The following PCED1B variants were observed in gnomAD, a reference collection of about 807,000 sequenced individuals.
PCED1B encodes PC-esterase domain-containing protein 1B.
For missense variants in PCED1B, 573 were observed against 573.9 expected (o/e 1.00, Z 0.02); for synonymous variants, 251 against 246.1 (o/e 1.02, Z -0.19).
chr12:47,090,492 A>G (rs1439499038), intron 1 of PCED1B, among the ~76,000 whole-genome samples: 3 of 152,184 alleles, frequency 2.0e-5, no homozygotes, highest in Non-Finnish European at 4.4e-5. Flanking sequence ...GGCAAGAATC[A>G]TGTACCATGC....
intron 3 of PCED1B, among the ~76,000 whole-genome samples, chr12:47,225,724 T>C (rs943941533): frequency 2.0e-5 from 3 of 152,184 alleles, no homozygotes; most frequent in African/African-American, 7.2e-5. Flanking sequence ...AATATTGTAT[T>C]AAGATAGTCA....
chr12:47,216,974 T>C (rs1214174261), intron 3 of PCED1B, among the ~76,000 whole-genome samples: 2 of 152,206 alleles, frequency 1.3e-5, no homozygotes, highest in African/African-American at 4.8e-5. Context: ...TTGTCTGCAA[T>C]CTTGTATGTT....
At chr12:47,105,070 T>C (rs1162322820) in intron 2 of PCED1B, among the ~76,000 whole-genome samples, 1 of 152,180 alleles carries the variant, frequency 6.6e-6, no homozygotes, top group Non-Finnish European at 1.5e-5. Context: ...TTGGGAAATA[T>C]CTCTGAGTCT....
chr12:47,182,037 C>T (rs550279497), intron 2 of PCED1B, among the ~76,000 whole-genome samples: 11 of 152,342 alleles, frequency 7.2e-5, no homozygotes, highest in Admixed American at 2.6e-4. Flanking sequence ...ACAAACAGTT[C>T]TGTTTCTCTA....
intron 3 of PCED1B, among the ~76,000 whole-genome samples, chr12:47,229,401 C>CA (rs1488398531): frequency 7.1e-6 from 1 of 141,828 alleles, no homozygotes; most frequent in African/African-American, 2.6e-5. Flanking sequence ...GCACCAAGAG[C>CA]AAAACTGCTT....
intron 2 of PCED1B, among the ~76,000 whole-genome samples, chr12:47,124,913 A>T (rs1387593554): frequency 2.0e-5 from 3 of 151,964 alleles, no homozygotes; most frequent in Non-Finnish European, 4.4e-5. Context: ...TTCTCAATAC[A>T]GGTTCTTAAC....
intron 2 of PCED1B, among the ~76,000 whole-genome samples, chr12:47,146,830 C>G (rs1022272619): frequency 1.3e-5 from 2 of 152,176 alleles, no homozygotes; most frequent in African/African-American, 2.4e-5. Context: ...CACAATACTT[C>G]TCAGATATGC....
intron 2 of PCED1B, among the ~76,000 whole-genome samples, chr12:47,124,092 C>T (rs924731557): frequency 6.6e-6 from 1 of 152,010 alleles, no homozygotes; most frequent in Non-Finnish European, 1.5e-5. Flanking sequence ...CACATGTATA[C>T]TGCCCACAAG....
At chr12:47,148,611 A>G (rs1021067814) in intron 2 of PCED1B, among the ~76,000 whole-genome samples, 5 of 152,328 alleles carry the variant, frequency 3.3e-5, no homozygotes, top group African/African-American at 1.2e-4. Context: ...CTGGAGTTAA[A>G]TGACTCCTAG....
At chr12:47,186,988 C>A (rs908606301) in intron 2 of PCED1B, among the ~76,000 whole-genome samples, 4 of 152,174 alleles carry the variant, frequency 2.6e-5, no homozygotes, top group African/African-American at 9.6e-5. Context: ...GGGGACCACT[C>A]TCCTTGGAAG....
chr12:47,140,586 C>T lies in PCED1B; in HGVS notation c.-526+36391C>T, dbSNP rs571907930. Among the ~76,000 whole-genome samples the T allele has an allele frequency of 1.2e-4, 19 of 152,242 alleles. No homozygotes were observed. In the South Asian group the frequency reaches 3.7e-3, roughly 30 times the overall value. ...ATGATATACTGTCTCCATTTTGACC[C>T]ACATAGAAAACACAACCAAGATTGA... is the stretch of plus-strand genomic sequence containing the variant. On this transcript the variant is annotated intron_variant, in intron 2 of 3. Transcript: ENST00000546455.
intron 2 of PCED1B, among the ~76,000 whole-genome samples, chr12:47,139,633 A>C (rs74645074): frequency 6.6e-6 from 1 of 152,128 alleles, no homozygotes; most frequent in South Asian, 2.1e-4. Context: ...TGTGCTGGGT[A>C]TGAAAGGGAA....
At chr12:47,081,501 AATTT>A (rs1937719867) in intron 1 of PCED1B, among the ~76,000 whole-genome samples, 1 of 152,228 alleles carries the variant, frequency 6.6e-6, no homozygotes, top group Admixed American at 6.5e-5. Flanking sequence ...GATTCAGATT[AATTT>A]ATTTCATGAA....
chr12:47,235,067 A>T lies in PCED1B; in HGVS notation c.4A>T (p.Ile2Phe). Residue 2 changes from isoleucine (I) to phenylalanine (F), a missense_variant, in exon 4 of 4, where the codon ATC (isoleucine) becomes TTC (phenylalanine). By Grantham distance (21) the Ile-to-Phe change is conservative (BLOSUM62 0). Coordinates refer to ENST00000546455, the MANE Select transcript of PCED1B (RefSeq NM_138371.3). ...TAGGCTGTGCGCCCTGGGCGTCATG[A>T]TCCTTCTGCGGGCCTCCGAAGTGCG... M[I>F]LLRASEVRQL... The T allele has an allele frequency of 6.6e-7, 1 of 1,524,478 alleles. No individual in the cohort carries two copies. Among genetic ancestry groups the T allele is most frequent in the Non-Finnish European group, 8.8e-7 (1 of 1,138,182 alleles). The allele number at this position is 1,524,478 out of a possible 1,614,324, so 94.4% of individuals were successfully genotyped here.
intron 2 of PCED1B, among the ~76,000 whole-genome samples, chr12:47,151,033 A>G (rs4533118): frequency 0.57 from 86,292 of 151,750 alleles, 25,518 homozygotes; most frequent in South Asian, 0.65. Flanking sequence ...AGTAACTTTG[A>G]AAAATAGTAT....
chr12:47,089,984 G>C (rs1487823607), intron 1 of PCED1B, among the ~76,000 whole-genome samples: 1 of 152,098 alleles, frequency 6.6e-6, no homozygotes, highest in Non-Finnish European at 1.5e-5. Flanking sequence ...TGTTGGCCAG[G>C]CTGGTCTCAA....
At chr12:47,155,168 A>G (rs1228756537) in intron 2 of PCED1B, among the ~76,000 whole-genome samples, 5 of 152,224 alleles carry the variant, frequency 3.3e-5, no homozygotes, top group Non-Finnish European at 5.9e-5. Flanking sequence ...GATTTATTGC[A>G]TAGAAATTGT....
chr12:47,119,370 A>G (rs977881099), intron 2 of PCED1B, among the ~76,000 whole-genome samples: 7 of 152,134 alleles, frequency 4.6e-5, no homozygotes, highest in Non-Finnish European at 8.8e-5. Context: ...AACAAAAGAA[A>G]AAATAGATAA....
In PCED1B at chr12:47,204,080, G is replaced by A. The variant is rs184060979; in HGVS notation, c.-525-12142G>A. 1.8e-3 allele frequency among the ~76,000 whole-genome samples: 281 copies of A among 152,184 alleles called. 6 individuals carry two copies. In the East Asian group the frequency reaches 0.03, roughly 16 times the overall value. On this transcript the variant is annotated intron_variant, in intron 2 of 3. Transcript: ENST00000546455. ...CTACCTCAGCCTCCCAAGTAGCTGG[G>A]ACTACAGGCATGTGCCATCATGCCT...
Sources: gnomAD v4.1 joint callset for allele counts (sites outside exome capture counted in the v4.1 genomes callset) on GRCh38, gnomAD v4.1.1 for gene constraint, MANE v1.5 for transcripts, NCBI Gene and HGNC (gene_info 2026-07-23, HGNC 2026-07-21) for gene names.